The following CSNK1G1 variants were observed in gnomAD, a reference collection of about 807,000 sequenced individuals.
The protein encoded by CSNK1G1 is casein kinase 1 gamma 1.
A neutral mutation model predicts 59.6 loss-of-function variants in CSNK1G1; 22 were observed. The observed-to-expected ratio is 0.37, with a 90% CI of 0.26 to 0.53. CSNK1G1 has a LOEUF of 0.53. Among genes scored for constraint, CSNK1G1 ranks in the 20% least tolerant of loss-of-function variants. CSNK1G1 has a pLI of 0.89. For synonymous variants in CSNK1G1, 179 were observed against 177.1 expected (o/e 1.01, Z -0.08); for missense variants, 384 against 519.5 (o/e 0.74, Z 2.54).
intron 1 of CSNK1G1, among the ~76,000 whole-genome samples, chr15:64,337,737 C>T (rs1897464888): frequency 2.6e-5 from 4 of 152,130 alleles, no homozygotes; most frequent in Admixed American, 1.3e-4. Context: ...TAACAGTCTC[C>T]AGTATCTATA....
In CSNK1G1 at chr15:64,169,047, A is replaced by G. The variant is rs1404232521; in HGVS notation, c.*2884T>C. ...TACAGTCCCCTACAACTGATCCAGT[A>G]AAAATTTTAAGACAAAAAAAAAGTC... On this transcript the variant is annotated 3_prime_UTR_variant, in exon 12 of 12. Coordinates refer to ENST00000303052, the MANE Select transcript of CSNK1G1 (RefSeq NM_022048.5). 6.6e-6 allele frequency: 1 copy of G among 152,610 alleles called. No homozygotes were observed. Among genetic ancestry groups the G allele is most frequent in the Non-Finnish European group, 1.5e-5 (1 of 68,022 alleles). 9.5% of individuals were successfully genotyped at this position (152,610 alleles called of 1,614,324 possible). A position where few individuals can be genotyped will look rare whatever the true frequency, so the allele number is the denominator to read the frequency against.
intron 3 of CSNK1G1, among the ~76,000 whole-genome samples, chr15:64,254,606 C>T (rs149028258): frequency 0.043 from 6,519 of 152,240 alleles, 156 homozygotes; most frequent in South Asian, 0.079. Context: ...CCTGCCTTGG[C>T]CTCCCAAAGT....
At chr15:64,246,040 T>C (rs1048999338) in intron 4 of CSNK1G1, among the ~76,000 whole-genome samples, 14 of 152,120 alleles carry the variant, frequency 9.2e-5, no homozygotes, top group Non-Finnish European at 7.4e-5. Context: ...AGAGTGACTA[T>C]AGTTAACAAT....
In CSNK1G1 at chr15:64,229,009, ACT is replaced by A. The variant is rs569532215; in HGVS notation, c.293-12298_293-12297del. On this transcript the variant is annotated intron_variant, in intron 4 of 11. Transcript: ENST00000303052. ...ACACCAGCCTGGGCGACAGAGTGAG[ACT>A]CTGTCTCAAAAAAAAAAAAAAAAAA... is the stretch of plus-strand genomic sequence containing the variant. Among the ~76,000 whole-genome samples, 882 of 130,254 alleles carry A rather than the reference ACT, an allele frequency of 6.8e-3. 13 individuals carry two copies. Among genetic ancestry groups the A allele is most frequent in the African/African-American group, 0.027 (805 of 29,792 alleles). 85.5% of individuals were successfully genotyped at this position (130,254 alleles called of 152,430 possible). A position where few individuals can be genotyped will look rare whatever the true frequency, so the allele number is the denominator to read the frequency against.
At chr15:64,325,976 ACCT>A (rs1896814956) in intron 1 of CSNK1G1, among the ~76,000 whole-genome samples, 1 of 152,126 alleles carries the variant, frequency 6.6e-6, no homozygotes, top group South Asian at 2.1e-4. Flanking sequence ...GTGAATAAAA[ACCT>A]TTGCATCTCA....
In CSNK1G1 at chr15:64,180,343, C is replaced by T. The variant is rs2140209624; in HGVS notation, c.1214+5G>A. 4.3e-6 allele frequency: 7 copies of T among 1,610,118 alleles called. No individual in the cohort carries two copies. The highest frequency in any genetic ancestry group is 4.3e-6 in the Non-Finnish European group (5 of 1,176,342). On this transcript the variant is annotated splice_donor_5th_base_variant and intron_variant, in intron 11 of 11. Transcript: ENST00000303052. ...CTTAAGAGCCCCCTTGAAAGATGTACGTACTTAGCTTCCTCCACTACCTCC... is the reference window on the plus strand; with the variant it reads ...CTTAAGAGCCCCCTTGAAAGATGTATGTACTTAGCTTCCTCCACTACCTCC...
intron 4 of CSNK1G1, among the ~76,000 whole-genome samples, chr15:64,230,553 C>A (rs1255941593): frequency 6.6e-6 from 1 of 152,188 alleles, no homozygotes; most frequent in Non-Finnish European, 1.5e-5. Context: ...CCACCTCATC[C>A]TTCCCAAACT....
rs1567362222 is a variant in CSNK1G1 at position 64,188,428 on chromosome 15, T to C, written c.1108-7974A>G. The C allele has an allele frequency of 1.3e-6, 2 of 1,536,112 alleles. No individual in the cohort carries two copies. The highest frequency in any genetic ancestry group is 1.7e-6 in the Non-Finnish European group (2 of 1,146,912). ...GCCAAGTGAGACGTTAGGTATGAGG[T>C]ATTGGTCTGCCGGCTGGGCTGAATT... On this transcript the variant is annotated intron_variant, in intron 10 of 11. Transcript: ENST00000303052. The surrounding 1 kb of genome is among the most constrained non-coding windows in gnomAD (Gnocchi z 4.2).
At chr15:64,189,905 G>A (rs567918391) in intron 10 of CSNK1G1, among the ~76,000 whole-genome samples, 4 of 146,070 alleles carry the variant, frequency 2.7e-5, no homozygotes, top group Admixed American at 1.4e-4. Context: ...TGCAAGCTCC[G>A]CCTCCCAGGT....
chr15:64,292,492 T>C (rs1209074601), intron 2 of CSNK1G1, among the ~76,000 whole-genome samples: 6 of 152,250 alleles, frequency 3.9e-5, no homozygotes, highest in Non-Finnish European at 8.8e-5. Context: ...TGCCTCCATT[T>C]TGTTGTATGC....
At chr15:64,291,186 CATTT>C (rs563255468) in intron 2 of CSNK1G1, among the ~76,000 whole-genome samples, 184 of 152,310 alleles carry the variant, frequency 1.2e-3, no homozygotes, top group Non-Finnish European at 2.5e-3. Context: ...GATACACTTT[CATTT>C]GTTTAAAATA....
At chr15:64,327,103 GC>G (rs1896889478) in intron 1 of CSNK1G1, among the ~76,000 whole-genome samples, 1 of 151,732 alleles carries the variant, frequency 6.6e-6, no homozygotes, top group African/African-American at 2.4e-5. Context: ...GGGGAGGGGC[GC>G]CCGCCATTGC....
rs774402095 is a variant in CSNK1G1 at position 64,278,432 on chromosome 15, A to ATTTT, written c.182-19195_182-19192dup. Among the ~76,000 whole-genome samples, 4 of 127,928 alleles carry ATTTT rather than the reference A, an allele frequency of 3.1e-5. No homozygotes were observed. In the Admixed American group the frequency reaches 3.3e-4, roughly 10 times the overall value. The allele number at this position is 127,928 out of a possible 152,430, so 83.9% of individuals were successfully genotyped here. A position where few individuals can be genotyped will look rare whatever the true frequency, so the allele number is the denominator to read the frequency against. On this transcript the variant is annotated intron_variant, in intron 2 of 11. Transcript: ENST00000303052. ...TGTGTGTGTGTGTATATATATATAT[A>ATTTT]TTTTTTTTTTTTTGGACACAGAGTC...
intron 2 of CSNK1G1, among the ~76,000 whole-genome samples, chr15:64,273,004 T>G (rs1341684985): frequency 6.6e-6 from 1 of 152,222 alleles, no homozygotes; most frequent in African/African-American, 2.4e-5. Flanking sequence ...GTGCCTGGCC[T>G]TAACTCTTGT....
chr15:64,172,364 C>A (rs1357612005), intron 11 of CSNK1G1, among the ~76,000 whole-genome samples: 1 of 152,188 alleles, frequency 6.6e-6, no homozygotes, highest in African/African-American at 2.4e-5. Context: ...ACATTGTCTA[C>A]TCCTTGATAC....
chr15:64,266,447 A>G (rs1337937298), intron 2 of CSNK1G1, among the ~76,000 whole-genome samples: 1 of 152,188 alleles, frequency 6.6e-6, no homozygotes, highest in Non-Finnish European at 1.5e-5. Context: ...CATTCCACCC[A>G]AAGCGATCTA....
At chr15:64,268,181 G>T (rs1008824265) in intron 2 of CSNK1G1, among the ~76,000 whole-genome samples, 1 of 152,104 alleles carries the variant, frequency 6.6e-6, no homozygotes, top group Non-Finnish European at 1.5e-5. Context: ...TTGTGGCAAA[G>T]GAATAAACAT....
intron 1 of CSNK1G1, among the ~76,000 whole-genome samples, chr15:64,321,491 T>G (rs1275933820): frequency 6.6e-6 from 1 of 152,128 alleles, no homozygotes; most frequent in Admixed American, 6.5e-5. Flanking sequence ...TTCAAACTCT[T>G]GGATTCAAGC....
intron 10 of CSNK1G1, among the ~76,000 whole-genome samples, chr15:64,196,629 T>C (rs557157730): frequency 6.6e-6 from 1 of 152,208 alleles, no homozygotes; most frequent in Admixed American, 6.5e-5. Context: ...TTTTGTATTT[T>C]TTAGTAGAGA....
Sources: gnomAD v4.1 joint callset for allele counts (sites outside exome capture counted in the v4.1 genomes callset) on GRCh38, gnomAD v4.1.1 for gene constraint, Gnocchi (gnomAD v3.1) non-coding constraint, MANE v1.5 for transcripts, NCBI Gene and HGNC (gene_info 2026-07-23, HGNC 2026-07-21) for gene names.